Variants in PDE8A observed in about 807,000 individuals in gnomAD.
PDE8A encodes the protein high affinity cAMP-specific and IBMX-insensitive 3',5'-cyclic phosphodiesterase 8A.
A neutral mutation model predicts 105.0 loss-of-function variants in PDE8A; 59 were observed. The observed-to-expected ratio is 0.56, with a 90% confidence interval of 0.46 to 0.70. PDE8A has a LOEUF of 0.70. Ranked by LOEUF, PDE8A falls within the 30% of genes least tolerant of loss-of-function variation. The pLI is 0.00. For synonymous variants in PDE8A, 355 were observed against 371.9 expected, an observed-to-expected ratio of 0.95 and a Z score of 0.52; for missense variants, 1,014 against 1,045.9, an observed-to-expected ratio of 0.97 and a Z score of 0.42.
At chr15:85,075,054 G>A (rs1318990054) in intron 3 of PDE8A, among the ~76,000 whole-genome samples, 1 of 152,166 alleles carries the variant, frequency 6.6e-6, no homozygotes, top group African/African-American at 2.4e-5. Flanking sequence ...GCTTCTCCCA[G>A]TGTAGGATGA....
intron 20 of PDE8A, among the ~76,000 whole-genome samples, chr15:85,133,493 G>A (rs1184989163): frequency 6.6e-6 from 1 of 152,176 alleles, no homozygotes. Flanking sequence ...GAAGTGTGGT[G>A]CAAGGTTGAG....
intron 6 of PDE8A, among the ~76,000 whole-genome samples, chr15:85,085,689 A>G (rs1046783447): frequency 6.7e-6 from 1 of 149,164 alleles, no homozygotes; most frequent in Non-Finnish European, 1.5e-5. Context: ...AAAAAAAAAA[A>G]CAGACTTGGA....
intron 6 of PDE8A, among the ~76,000 whole-genome samples, chr15:85,085,560 T>C: frequency 6.6e-6 from 1 of 150,652 alleles, no homozygotes; most frequent in South Asian, 2.1e-4. Context: ...TAGCCGGGCA[T>C]GGTGGTGAGC....
intron 1 of PDE8A, among the ~76,000 whole-genome samples, chr15:85,046,604 C>T (rs1159720930): frequency 6.6e-6 from 1 of 152,032 alleles, no homozygotes; most frequent in African/African-American, 2.4e-5. Context: ...TTATAGAACT[C>T]TGTATTCCAG....
chr15:85,131,047 G>A (rs529755081), intron 20 of PDE8A, among the ~76,000 whole-genome samples: 47 of 152,268 alleles, frequency 3.1e-4, no homozygotes, highest in Admixed American at 6.5e-4. Flanking sequence ...CTGAGCCACC[G>A]CGCCTGGCCT....
chr15:85,049,326 A>G (rs1003463529), intron 1 of PDE8A, among the ~76,000 whole-genome samples: 2 of 152,160 alleles, frequency 1.3e-5, no homozygotes, highest in African/African-American at 2.4e-5. Context: ...AAAACAATAT[A>G]TCAATTAAAC....
At chr15:84,991,328 T>C (rs1392116739) in intron 1 of PDE8A, among the ~76,000 whole-genome samples, 2 of 152,114 alleles carry the variant, frequency 1.3e-5, no homozygotes, top group African/African-American at 4.8e-5. Flanking sequence ...TTGGAAAAGG[T>C]TGGGACAGGC....
intron 1 of PDE8A, among the ~76,000 whole-genome samples, chr15:85,033,693 C>T (rs531363763): frequency 2.0e-5 from 3 of 151,982 alleles, no homozygotes; most frequent in South Asian, 2.1e-4. Flanking sequence ...GGTGAAACCC[C>T]GTCTCTACTA....
chr15:85,027,248 A>G (rs774616265), intron 1 of PDE8A, among the ~76,000 whole-genome samples: 10 of 152,208 alleles, frequency 6.6e-5, no homozygotes, highest in Admixed American at 2.0e-4. Flanking sequence ...TTTTAGTCCA[A>G]TCTTTGCCAG....
chr15:85,108,868 A>G (rs569651636), intron 11 of PDE8A, among the ~76,000 whole-genome samples, 185 bp from the exon 12 acceptor site: 1 of 152,276 alleles, frequency 6.6e-6, no homozygotes, highest in South Asian at 2.1e-4. Context: ...ACCTGGTGGG[A>G]CATTTTGAGA....
chr15:85,115,974 C>A lies in PDE8A; in HGVS notation c.1400-10C>A. ...AGCCTATTTGTTCTCCAAATTACAT[C>A]ACTTTACAGACACTCAAATGGTTTC... On this transcript the variant is annotated splice_polypyrimidine_tract_variant and intron_variant, in intron 15 of 21. Coordinates refer to ENST00000394553, the MANE Select transcript of PDE8A (RefSeq NM_002605.3). 1.3e-6 allele frequency: 2 copies of A among 1,599,904 alleles called. No homozygotes were observed. Among genetic ancestry groups the A allele is most frequent in the Non-Finnish European group, 1.7e-6 (2 of 1,169,188 alleles).
intron 1 of PDE8A, among the ~76,000 whole-genome samples, chr15:85,061,043 T>C (rs2081136143): frequency 6.6e-6 from 1 of 152,104 alleles, no homozygotes; most frequent in African/African-American, 2.4e-5. Flanking sequence ...GTTTTTGTTT[T>C]TCATTCTGGA....
chr15:85,133,490 G>A (rs762942029), intron 20 of PDE8A, among the ~76,000 whole-genome samples: 2 of 152,166 alleles, frequency 1.3e-5, no homozygotes, highest in African/African-American at 2.4e-5. Flanking sequence ...GGGGAAGTGT[G>A]GTGCAAGGTT....
chr15:85,106,047 A>C (rs2081942899), intron 11 of PDE8A, among the ~76,000 whole-genome samples: 2 of 152,232 alleles, frequency 1.3e-5, no homozygotes. Flanking sequence ...TTTTGGGAAC[A>C]AGAGGATCTT....
intron 1 of PDE8A, among the ~76,000 whole-genome samples, chr15:84,983,569 G>T (rs1184236798): frequency 6.6e-6 from 1 of 152,162 alleles, no homozygotes; most frequent in East Asian, 1.9e-4. Flanking sequence ...CTGATTATCA[G>T]AAATTGAATT....
intron 18 of PDE8A, among the ~76,000 whole-genome samples, chr15:85,122,656 C>T (rs1003326436): frequency 6.6e-6 from 1 of 152,102 alleles, no homozygotes; most frequent in Non-Finnish European, 1.5e-5. Flanking sequence ...AAAATAAAAG[C>T]AAGGGTTAGA....
chr15:84,994,953 ACT>A (rs1403239213), intron 1 of PDE8A, among the ~76,000 whole-genome samples: 1 of 143,658 alleles, frequency 7.0e-6, no homozygotes, highest in Non-Finnish European at 1.5e-5. Context: ...CAAGGGCGAA[ACT>A]CTGTCTCAAA....
At chr15:85,065,106 G>A (rs1032830828) in intron 2 of PDE8A, among the ~76,000 whole-genome samples, 38 of 152,162 alleles carry the variant, frequency 2.5e-4, no homozygotes, top group Non-Finnish European at 5.9e-5. Context: ...TGAATGTAGA[G>A]AAAGGGCATG....
intron 1 of PDE8A, among the ~76,000 whole-genome samples, chr15:85,017,303 A>T (rs922701951): frequency 1.8e-4 from 27 of 151,932 alleles, no homozygotes; most frequent in South Asian, 2.1e-4. Flanking sequence ...GTTGATTTTG[A>T]TATGTTTCTT....
Sources: gnomAD v4.1 joint callset for allele counts (sites outside exome capture counted in the v4.1 genomes callset) on GRCh38, gnomAD v4.1.1 for gene constraint, MANE v1.5 for transcripts, NCBI Gene and HGNC (gene_info 2026-07-23, HGNC 2026-07-21) for gene names.